The following CNTNAP5 variants were observed in gnomAD, a reference collection of about 807,000 sequenced individuals.
CNTNAP5 encodes the protein contactin-associated protein-like 5.
Under a neutral mutation model 150.2 loss-of-function variants are expected in CNTNAP5, and 72 were observed. The ratio of observed to expected loss-of-function variants is 0.48; its 90% CI spans 0.40 to 0.58. The LOEUF (loss-of-function observed/expected upper bound fraction) is 0.58. CNTNAP5 is among the 20% of genes least tolerant of loss of function. CNTNAP5 has a pLI of 0.00. For missense variants in CNTNAP5, 1,636 were observed against 1,626.2 expected, an observed-to-expected ratio of 1.01 and a Z score of -0.10; for synonymous variants, 672 against 619.8, an observed-to-expected ratio of 1.08 and a Z score of -1.25.
intron 14 of CNTNAP5, among the ~76,000 whole-genome samples, chr2:124,757,487 G>A (rs1400393418): frequency 6.6e-6 from 1 of 152,184 alleles, no homozygotes; most frequent in African/African-American, 2.4e-5. Context: ...CTGTCGGCAG[G>A]TGGGAGACCC....
intron 13 of CNTNAP5, among the ~76,000 whole-genome samples, chr2:124,703,817 A>G (rs1020101207): frequency 6.6e-6 from 1 of 152,208 alleles, no homozygotes; most frequent in Non-Finnish European, 1.5e-5. Flanking sequence ...AAGTCAGTGA[A>G]TGAAGATCAT....
At chr2:124,134,477 G>C (rs1683930389) in intron 1 of CNTNAP5, among the ~76,000 whole-genome samples, 2 of 152,082 alleles carry the variant, frequency 1.3e-5, no homozygotes, top group Admixed American at 6.5e-5. Context: ...TCTATTATAA[G>C]ATAATCTTTT....
At chr2:124,101,038 C>T (rs1051567879) in intron 1 of CNTNAP5, among the ~76,000 whole-genome samples, 1 of 152,210 alleles carries the variant, frequency 6.6e-6, no homozygotes, top group Middle Eastern at 3.4e-3. Flanking sequence ...TCTGAACACC[C>T]ATGGTTTATC....
chr2:124,666,010 A>G (rs1678693417), intron 13 of CNTNAP5, among the ~76,000 whole-genome samples: 1 of 152,210 alleles, frequency 6.6e-6, no homozygotes, highest in African/African-American at 2.4e-5. Context: ...TTTAAAGGAA[A>G]AAACAAACTG....
chr2:124,242,244 C>T lies in CNTNAP5; in HGVS notation c.232C>T (p.Leu78Phe). ...AGCAGATTCCAATGCTCAACAGTGG[C>T]TCCAGATGGACCTGGGAAACAGAGT... is the stretch of plus-strand genomic sequence containing the variant. ...SPADSNAQQW[L>F]QMDLGNRVEI... Residue 78 changes from leucine to phenylalanine, a missense_variant, in exon 3 of 24, where the codon CTC becomes TTC. By Grantham distance (22) the Leu-to-Phe change is conservative. Transcript: ENST00000682447. 3 of 1,602,502 alleles carry T rather than the reference C, an allele frequency of 1.9e-6. No homozygotes were observed. The highest frequency in any genetic ancestry group is 2.6e-6 in the Non-Finnish European group (3 of 1,173,882).
At chr2:124,832,606 G>T (rs979675300) in intron 19 of CNTNAP5, among the ~76,000 whole-genome samples, 2 of 152,032 alleles carry the variant, frequency 1.3e-5, no homozygotes, top group Non-Finnish European at 2.9e-5. Context: ...TTTATTTTTA[G>T]AAACTTCTTT....
At chr2:124,072,702 TG>T (rs1460483024) in intron 1 of CNTNAP5, among the ~76,000 whole-genome samples, 1 of 151,720 alleles carries the variant, frequency 6.6e-6, no homozygotes, top group Non-Finnish European at 1.5e-5. Flanking sequence ...AAAATATTGA[TG>T]AAAAAAAGAG....
At chr2:124,877,763 C>T (rs1250514167) in intron 21 of CNTNAP5, among the ~76,000 whole-genome samples, 1 of 152,018 alleles carries the variant, frequency 6.6e-6, no homozygotes, top group Admixed American at 6.6e-5. Flanking sequence ...ATTAGATTTT[C>T]TTCACTGTTA....
chr2:124,384,151 T>C (rs1238015872), intron 3 of CNTNAP5, among the ~76,000 whole-genome samples: 1 of 152,170 alleles, frequency 6.6e-6, no homozygotes, highest in African/African-American at 2.4e-5. Flanking sequence ...TATGTCCCTA[T>C]GTGGTTATCT....
chr2:124,480,463 T>C (rs190100552), intron 7 of CNTNAP5, among the ~76,000 whole-genome samples: 5 of 152,314 alleles, frequency 3.3e-5, no homozygotes, highest in East Asian at 3.9e-4. Flanking sequence ...GTCAGAGTTA[T>C]GTGTAAGAGA....
At chr2:124,697,185 T>A (rs552616776) in intron 13 of CNTNAP5, among the ~76,000 whole-genome samples, 2 of 152,320 alleles carry the variant, frequency 1.3e-5, no homozygotes, top group South Asian at 4.1e-4. Context: ...GTACCCAGTT[T>A]CTTCATTATT....
chr2:124,385,174 GTT>G (rs556232356), intron 3 of CNTNAP5, among the ~76,000 whole-genome samples: 1 of 152,178 alleles, frequency 6.6e-6, no homozygotes, highest in Non-Finnish European at 1.5e-5. Flanking sequence ...GATGAGGAAA[GTT>G]TAGCATGAAA....
At chr2:124,062,064 C>T (rs1446259331) in intron 1 of CNTNAP5, among the ~76,000 whole-genome samples, 6 of 108 alleles carry the variant, frequency 0.056, no homozygotes, top group Non-Finnish European at 0.091. Context: ...TTGTTATCTT[C>T]AGGGCTACCT....
At chr2:124,280,827 C>T (rs569523605) in intron 3 of CNTNAP5, among the ~76,000 whole-genome samples, 9 of 152,148 alleles carry the variant, frequency 5.9e-5, no homozygotes, top group African/African-American at 1.9e-4. Flanking sequence ...CAAAAAGTCC[C>T]CATGCAGCAG....
intron 19 of CNTNAP5, among the ~76,000 whole-genome samples, chr2:124,829,222 A>G (rs1682662810): frequency 6.6e-6 from 1 of 152,128 alleles, no homozygotes; most frequent in South Asian, 2.1e-4. Context: ...TTATGCTGGC[A>G]AGCTGAAAAG....
chr2:124,719,827 G>A (rs1489862051), intron 13 of CNTNAP5, among the ~76,000 whole-genome samples: 1 of 152,144 alleles, frequency 6.6e-6, no homozygotes, highest in Non-Finnish European at 1.5e-5. Flanking sequence ...CTTAACATTT[G>A]TATCAAGAGT....
intron 20 of CNTNAP5, among the ~76,000 whole-genome samples, chr2:124,868,399 G>A (rs1327821675): frequency 1.3e-5 from 2 of 152,062 alleles, no homozygotes; most frequent in Middle Eastern, 3.2e-3. Context: ...GCTATTTGCA[G>A]AGCCCTTGGA....
intron 8 of CNTNAP5, among the ~76,000 whole-genome samples, chr2:124,522,178 G>A (rs185721887): frequency 2.4e-4 from 37 of 152,248 alleles, no homozygotes; most frequent in Admixed American, 1.2e-3. Flanking sequence ...CAGGGGTACC[G>A]GCTCTTCACT....
intron 3 of CNTNAP5, 144 bp downstream of exon 3, chr2:124,242,537 A>G: frequency 1.3e-6 from 1 of 768,530 alleles, no homozygotes. Flanking sequence ...ACAATTTTTA[A>G]GGCCCATGCC....
Sources: allele counts gnomAD v4.1 joint callset (sites outside exome capture counted in the v4.1 genomes callset), GRCh38; gene constraint gnomAD v4.1.1; transcripts MANE v1.5; gene names NCBI Gene and HGNC (gene_info 2026-07-23, HGNC 2026-07-21).